The following C2orf92 variants were observed in gnomAD, a reference collection of about 807,000 sequenced individuals.
The protein encoded by C2orf92 is chromosome 2 open reading frame 92, also known as uncharacterized protein C2orf92.
chr2:97,700,886 C>G (rs958483559), intron 6 of C2orf92, among the ~76,000 whole-genome samples: 1 of 152,112 alleles, frequency 6.6e-6, no homozygotes, highest in South Asian at 2.1e-4. Flanking sequence ...CCCGCCACCA[C>G]GCCCGGCTAA....
intron 3 of C2orf92, among the ~76,000 whole-genome samples, chr2:97,678,429 T>C (rs995190173): frequency 6.6e-6 from 1 of 151,960 alleles, no homozygotes; most frequent in Admixed American, 6.6e-5. Context: ...TTCCTGAATA[T>C]GTTGAAAGAC....
intron 4 of C2orf92, among the ~76,000 whole-genome samples, chr2:97,689,788 A>ACATTTTGC: frequency 6.6e-6 from 1 of 152,290 alleles, no homozygotes; most frequent in Admixed American, 6.5e-5. Flanking sequence ...TTTCAAACAC[A>ACATTTTGC]CATTTTGCTC....
At chr2:97,692,657 G>A (rs1051738129) in intron 5 of C2orf92, among the ~76,000 whole-genome samples, 2 of 152,078 alleles carry the variant, frequency 1.3e-5, no homozygotes, top group African/African-American at 2.4e-5. Context: ...TGATCTGCCC[G>A]CCTTGGCCTC....
intron 3 of C2orf92, among the ~76,000 whole-genome samples, chr2:97,686,841 C>T (rs1387264001): frequency 1.3e-5 from 2 of 152,008 alleles, no homozygotes; most frequent in African/African-American, 2.4e-5. Context: ...GTGGTGAAAC[C>T]CTGTCTCTAC....
intron 4 of C2orf92, 85 bp from the exon 5 acceptor site, chr2:97,690,171 C>T (rs1349748921): frequency 5.2e-6 from 2 of 381,688 alleles, no homozygotes; most frequent in African/African-American, 4.2e-5. Flanking sequence ...AAATGGAATA[C>T]AAAATATGGG....
At chr2:97,684,574 G>A (rs1675890659) in intron 3 of C2orf92, among the ~76,000 whole-genome samples, 4 of 152,300 alleles carry the variant, frequency 2.6e-5, no homozygotes, top group East Asian at 1.9e-4. Context: ...GGCACGTGAT[G>A]TTTTAAATCT....
intron 2 of C2orf92, 103 bp downstream of exon 2, chr2:97,674,660 C>T (rs1241369046): frequency 5.0e-6 from 2 of 396,096 alleles, no homozygotes; most frequent in African/African-American, 4.1e-5. Flanking sequence ...AAATTAACTA[C>T]TGTGGTGGAG....
At position 97,680,853 on chromosome 2, in the gene C2orf92, G is replaced by T. The variant is rs374587305; in HGVS notation, c.232+4925G>T. On this transcript the variant is annotated intron_variant, in intron 3 of 7. Coordinates refer to ENST00000627399, the MANE Select transcript of C2orf92 (RefSeq NM_001351368.2). The stretch of plus-strand genomic sequence containing the variant: ...AGGCAGGAGAATGGCATGAACCCGG[G>T]AGGTGGAGCTTGCAGTGGGCCGAGA... Among the ~76,000 whole-genome samples the T allele has an allele frequency of 3.2e-3, 489 of 152,276 alleles. 1 individual carries two copies. Among genetic ancestry groups the T allele is most frequent in the African/African-American group, 0.01 (424 of 41,560 alleles).
rs193068405 is a variant in C2orf92 at position 97,690,313 on chromosome 2, A to T, written c.389A>T (p.Lys130Ile). The change falls in exon 5 of 8, where the codon AAA becomes ATA. Residue 130 changes from lysine (K) to isoleucine (I), a missense_variant. Coordinates refer to ENST00000627399, the MANE Select transcript of C2orf92 (RefSeq NM_001351368.2). ...KPEYFLGSVD[K>I]IPDKDHLSEE... Reference sequence around the variant, plus strand: ...GAATATTTCCTTGGCAGTGTGGACAAAATTCCTGATAAAGGTAAATGCAAA... The same window carrying T: ...GAATATTTCCTTGGCAGTGTGGACATAATTCCTGATAAAGGTAAATGCAAA... The T allele has an allele frequency of 2.5e-6, 1 of 398,978 alleles. No individual in the cohort carries two copies. The highest frequency in any genetic ancestry group is 2.1e-5 in the African/African-American group (1 of 48,752). The allele number at this position is 398,978 out of a possible 1,614,324, so 24.7% of individuals were successfully genotyped here. A position where few individuals can be genotyped will look rare whatever the true frequency, so the allele number is the denominator to read the frequency against.
At chr2:97,688,485 A>C (rs1676034397) in intron 3 of C2orf92, among the ~76,000 whole-genome samples, 2 of 152,242 alleles carry the variant, frequency 1.3e-5, no homozygotes, top group Admixed American at 1.3e-4. Flanking sequence ...ACAGTTTTAT[A>C]AAGAAAGAGC....
upstream of C2orf92, among the ~76,000 whole-genome samples, chr2:97,665,148 G>C (rs1675165698): frequency 6.6e-6 from 1 of 152,198 alleles, no homozygotes; most frequent in Non-Finnish European, 1.5e-5. Flanking sequence ...TGCGGCACTG[G>C]AGTCAGCTGC....
At chr2:97,694,802 A>T (rs12991969) in intron 5 of C2orf92, among the ~76,000 whole-genome samples, 1 of 151,850 alleles carries the variant, frequency 6.6e-6, no homozygotes, top group African/African-American at 2.4e-5. Context: ...TTCTGAGGAA[A>T]CGCCATGCTG....
At chr2:97,697,555 T>G (rs903871516) in intron 5 of C2orf92, among the ~76,000 whole-genome samples, 1 of 152,190 alleles carries the variant, frequency 6.6e-6, no homozygotes. Context: ...GTCAAGTTAA[T>G]TATCAGTCTT....
At chr2:97,671,297 C>G (rs1675403490) in intron 1 of C2orf92, 1 of 382,084 alleles carries the variant, frequency 2.6e-6, no homozygotes, top group Admixed American at 4.5e-5. Flanking sequence ...GTGCACACCA[C>G]CACGCCCAGG....
chr2:97,684,873 C>A (rs921298073), intron 3 of C2orf92, among the ~76,000 whole-genome samples: 1 of 152,110 alleles, frequency 6.6e-6, no homozygotes, highest in African/African-American at 2.4e-5. Context: ...CATCATTAGT[C>A]ATTAGGGAAA....
intron 5 of C2orf92, among the ~76,000 whole-genome samples, chr2:97,691,357 G>A (rs1381297149): frequency 6.6e-6 from 1 of 152,156 alleles, no homozygotes; most frequent in Non-Finnish European, 1.5e-5. Flanking sequence ...TGGGGTGGTG[G>A]GGCTGGGCAG....
intron 5 of C2orf92, chr2:97,694,595 C>G (rs1361987609): frequency 1.3e-5 from 2 of 151,950 alleles, no homozygotes; most frequent in Non-Finnish European, 2.9e-5. Context: ...GAGTAATATT[C>G]CATTGTATGT....
At chr2:97,699,470 C>T (rs1343392421) in intron 6 of C2orf92, among the ~76,000 whole-genome samples, 5 of 152,004 alleles carry the variant, frequency 3.3e-5, no homozygotes, top group African/African-American at 1.2e-4. Flanking sequence ...GGCATGGTGG[C>T]GGGTGCCTGT....
intron 3 of C2orf92, among the ~76,000 whole-genome samples, chr2:97,684,374 G>A (rs1187008988): frequency 6.6e-6 from 1 of 152,192 alleles, no homozygotes; most frequent in Admixed American, 6.5e-5. Context: ...AGCCAACAGA[G>A]TGGAAATGAC....
Sources: allele counts gnomAD v4.1 joint callset (sites outside exome capture counted in the v4.1 genomes callset), GRCh38; gene constraint gnomAD v4.1.1; transcripts MANE v1.5; gene names NCBI Gene and HGNC (gene_info 2026-07-23, HGNC 2026-07-21).